KIAA0319: variants seen among roughly 807,000 people sequenced by gnomAD.
KIAA0319 encodes the protein KIAA0319.
In KIAA0319, 83 loss-of-function variants were observed where a neutral mutation model predicts 108.4. The ratio of observed to expected loss-of-function variants is 0.77; its 90% CI spans 0.64 to 0.92. The LOEUF (loss-of-function observed/expected upper bound fraction) is 0.92, where lower values mean the gene tolerates loss of function less well. Among genes scored for constraint, KIAA0319 ranks in the 40% least tolerant of loss-of-function variants. The pLI is 0.00. For synonymous variants in KIAA0319, 484 were observed against 510.4 expected (o/e 0.95, Z 0.70); for missense variants, 1,195 against 1,322.4 (o/e 0.90, Z 1.49).
intron 2 of KIAA0319, chr6:24,598,934 C>T (rs988465615): frequency 1.1e-5 from 6 of 552,512 alleles, no homozygotes; most frequent in African/African-American, 9.4e-5. Flanking sequence ...AATTTGTCCT[C>T]ATCAAGAGGG....
chr6:24,629,327 A>G (rs559698076), intron 1 of KIAA0319, among the ~76,000 whole-genome samples: 122 of 152,106 alleles, frequency 8.0e-4, no homozygotes, highest in Non-Finnish European at 8.8e-5. Flanking sequence ...CATCCTGGCT[A>G]ACACGGTGAA....
intron 1 of KIAA0319, among the ~76,000 whole-genome samples, chr6:24,603,143 C>G (rs996063856): frequency 1.3e-5 from 2 of 152,182 alleles, no homozygotes; most frequent in Admixed American, 1.3e-4. Context: ...TTATTAAATA[C>G]AGTCATTAGT....
chr6:24,584,431 TAAAAAAA>T (rs5874993), intron 4 of KIAA0319, among the ~76,000 whole-genome samples: 2 of 91,270 alleles, frequency 2.2e-5, no homozygotes, highest in East Asian at 7.2e-4. Context: ...AGCAAAGATT[TAAAAAAA>T]AAAAAAAAAA....
At position 24,570,476 on chromosome 6, in the gene KIAA0319, C is replaced by T. The variant is rs951506103; in HGVS notation, c.1859-441G>A. Among the ~76,000 whole-genome samples the T allele has an allele frequency of 8.6e-5, 13 of 151,826 alleles. No individual in the cohort carries two copies. In the East Asian group the frequency reaches 1.7e-3, roughly 20 times the overall value. On this transcript the variant is annotated intron_variant, in intron 11 of 20. Transcript: ENST00000378214. ...GGTGGCAGGCGCCTGTAGTCCCAGCCACTCGGGAGGCTGAGGCAGGAGAAT... is the reference window on the plus strand; with the variant it reads ...GGTGGCAGGCGCCTGTAGTCCCAGCTACTCGGGAGGCTGAGGCAGGAGAAT...
chr6:24,611,905 G>C (rs1007733915), intron 1 of KIAA0319, among the ~76,000 whole-genome samples: 2 of 151,868 alleles, frequency 1.3e-5, no homozygotes, highest in African/African-American at 4.8e-5. Context: ...AAAATAATTA[G>C]TGTGGCATAG....
chr6:24,602,292 G>C (rs1770743067), intron 1 of KIAA0319, among the ~76,000 whole-genome samples: 2 of 152,136 alleles, frequency 1.3e-5, no homozygotes, highest in South Asian at 2.1e-4. Flanking sequence ...TTACAGGCGT[G>C]AGCCATCATG....
rs898825050 is a variant in KIAA0319, at chr6:24,623,240, C to T, written c.-105-22032G>A. On this transcript the variant is annotated intron_variant, in intron 1 of 20. Transcript: ENST00000378214. Reference sequence around the variant, plus strand: ...ACATGAACACAAACACACACATACACGCACACACACAAAGACAAAGGAAAA... The same window carrying T: ...ACATGAACACAAACACACACATACATGCACACACACAAAGACAAAGGAAAA... 5.9e-5 allele frequency among the ~76,000 whole-genome samples: 9 copies of T among 151,920 alleles called. No homozygotes were observed. In the South Asian group the frequency reaches 6.2e-4, roughly 11 times the overall value.
In KIAA0319 at chr6:24,547,230, T is replaced by A; in HGVS notation, c.3154A>T (p.Lys1052Ter). Residue 1052 changes from lysine to a stop codon, truncating the protein, a stop_gained, in exon 21 of 21, where the codon AAG (lysine) becomes TAG (stop). Coordinates refer to ENST00000378214, the MANE Select transcript of KIAA0319 (RefSeq NM_014809.4). LOFTEE classifies it high-confidence loss of function. ...CTGATGGAACCATTCATGGAAACCT[T>A]TGGATTCCCTCTCTCCATCTTTTCT... ...SREKMERGNP[K>*]VSMNGSIRNG... 6.2e-7 allele frequency: 1 copy of A among 1,614,042 alleles called. No individual in the cohort carries two copies. Among genetic ancestry groups the A allele is most frequent in the Non-Finnish European group, 8.5e-7 (1 of 1,179,902 alleles).
intron 19 of KIAA0319, among the ~76,000 whole-genome samples, chr6:24,553,741 A>G (rs1233902134): frequency 6.6e-6 from 1 of 152,144 alleles, no homozygotes; most frequent in Non-Finnish European, 1.5e-5. Flanking sequence ...CTACTTTTCT[A>G]TAACTATCCA....
chr6:24,542,463 C>T (rs1196814106), downstream of KIAA0319, among the ~76,000 whole-genome samples: 1 of 152,200 alleles, frequency 6.6e-6, no homozygotes, highest in Non-Finnish European at 1.5e-5. Context: ...GGCACTGTAG[C>T]TCACATCAGT....
chr6:24,564,168 C>G, intron 15 of KIAA0319, 34 bp downstream of exon 15: 10 of 1,613,386 alleles, frequency 6.2e-6, no homozygotes, highest in Non-Finnish European at 8.5e-6. Flanking sequence ...CCAGCCAGAG[C>G]CTGCATGGCC....
intron 1 of KIAA0319, among the ~76,000 whole-genome samples, chr6:24,621,372 T>C (rs1773906425): frequency 6.6e-6 from 1 of 152,046 alleles, no homozygotes; most frequent in East Asian, 1.9e-4. Flanking sequence ...AGCCCCCAAG[T>C]GTTCATTAAA....
chr6:24,565,022 C>A (rs2817193), intron 14 of KIAA0319, among the ~76,000 whole-genome samples: 1 of 151,602 alleles, frequency 6.6e-6, no homozygotes, highest in Non-Finnish European at 1.5e-5. Flanking sequence ...CAAAGGCAGG[C>A]GGATCACGAG....
chr6:24,547,034 TG>T lies in KIAA0319; in HGVS notation c.*130del. 1.1e-6 allele frequency: 1 copy of T among 922,162 alleles called. No individual in the cohort carries two copies. The highest frequency in any genetic ancestry group is 1.7e-5 in the African/African-American group (1 of 60,570). The allele number at this position is 922,162 out of a possible 1,614,324, so 57.1% of individuals were successfully genotyped here. ...CTTCAAAAACCGGTCTTTTAGTACGTGGGGATACACATCTAACCCACTGGGG... is the reference window on the plus strand; with the variant it reads ...CTTCAAAAACCGGTCTTTTAGTACGTGGGATACACATCTAACCCACTGGGG... On this transcript the variant is annotated 3_prime_UTR_variant, in exon 21 of 21. Transcript: ENST00000378214.
At chr6:24,604,764 T>C (rs1263811516) in intron 1 of KIAA0319, among the ~76,000 whole-genome samples, 1 of 152,238 alleles carries the variant, frequency 6.6e-6, no homozygotes, top group Non-Finnish European at 1.5e-5. Context: ...TCCTCAACAT[T>C]AAAAGGCATA....
chr6:24,564,536 G>A (rs193181780), intron 14 of KIAA0319, among the ~76,000 whole-genome samples, 196 bp from the exon 15 acceptor site: 152 of 152,272 alleles, frequency 1.0e-3, no homozygotes, highest in Non-Finnish European at 2.0e-3. Flanking sequence ...AAAGCACCAG[G>A]GGGCACATCC....
chr6:24,602,216 C>G (rs1770726991), intron 1 of KIAA0319, among the ~76,000 whole-genome samples: 1 of 152,146 alleles, frequency 6.6e-6, no homozygotes, highest in Non-Finnish European at 1.5e-5. Flanking sequence ...GGGGTTTTGC[C>G]ATGTTGGCCA....
intron 4 of KIAA0319, among the ~76,000 whole-genome samples, chr6:24,586,602 T>C (rs1300139965): frequency 6.6e-6 from 1 of 152,196 alleles, no homozygotes; most frequent in African/African-American, 2.4e-5. Flanking sequence ...CTTGTTTTAG[T>C]TCAAGATGCT....
rs574389057 is a variant in KIAA0319, at chr6:24,598,084, T to C, written c.56-1466A>G. 9.7e-4 allele frequency: 422 copies of C among 435,352 alleles called. 3 individuals are homozygous for C. The highest frequency in any genetic ancestry group is 9.6e-5 in the Non-Finnish European group (22 of 230,100). The allele number at this position is 435,352 out of a possible 1,614,324, so 27.0% of individuals were successfully genotyped here. On this transcript the variant is annotated intron_variant, in intron 2 of 20. Transcript: ENST00000378214. ...CCCCTGGGCCTTCAGCAGCCACTCC[T>C]ACACAAGCTGGCCTGGTGCCAGCAT...
Sources: allele counts gnomAD v4.1 joint callset (sites outside exome capture counted in the v4.1 genomes callset), GRCh38; gene constraint gnomAD v4.1.1; transcripts MANE v1.5; gene names NCBI Gene and HGNC (gene_info 2026-07-23, HGNC 2026-07-21).